DLGAP2: variants seen among roughly 807,000 people sequenced by gnomAD.
DLGAP2 encodes the protein DLG associated protein 2, also known as disks large-associated protein 2.
A neutral mutation model predicts 100.3 loss-of-function variants in DLGAP2; 26 were observed. The ratio of observed to expected loss-of-function variants is 0.26; its 90% CI spans 0.19 to 0.36. DLGAP2 has a LOEUF of 0.36. DLGAP2 is among the 10% of genes least tolerant of loss of function. The probability of loss-of-function intolerance (pLI) is 1.00; values close to 1 mark genes in which losing one functional copy is unlikely to be tolerated. For synonymous variants in DLGAP2, 886 were observed against 630.1 expected (o/e 1.41, Z -6.08); for missense variants, 1,858 against 1,453.2 (o/e 1.28, Z -4.53).
intron 2 of DLGAP2, among the ~76,000 whole-genome samples, chr8:1,015,376 G>A (rs1235296517): frequency 0.018 from 4 of 222 alleles, no homozygotes; most frequent in African/African-American, 0.033. Context: ...CACTGTGTGT[G>A]TGACCAGGAC....
chr8:1,421,934 C>G (rs1000762572), intron 3 of DLGAP2, among the ~76,000 whole-genome samples: 78 of 152,186 alleles, frequency 5.1e-4, no homozygotes, highest in African/African-American at 1.8e-3. Context: ...CCATTGCACT[C>G]TAGCCTGGGC....
At chr8:1,240,218 GTGT>G (rs1798755931) in intron 2 of DLGAP2, among the ~76,000 whole-genome samples, 1 of 133,994 alleles carries the variant, frequency 7.5e-6, no homozygotes, top group Admixed American at 7.4e-5. Flanking sequence ...ACATGGCACT[GTGT>G]CTAGTTCTCT....
intron 1 of DLGAP2, among the ~76,000 whole-genome samples, chr8:833,873 C>G (rs1796825164): frequency 6.6e-6 from 1 of 152,094 alleles, no homozygotes; most frequent in South Asian, 2.1e-4. Context: ...CAGAACATGA[C>G]AGGTTGGATT....
chr8:1,520,004 G>GTCC, intron 4 of DLGAP2, among the ~76,000 whole-genome samples: 1 of 152,218 alleles, frequency 6.6e-6, no homozygotes, highest in Non-Finnish European at 1.5e-5. Context: ...CTTCGCAGGA[G>GTCC]CAGGAGGTGT....
rs182777554 is a variant in DLGAP2 at position 1,181,402 on chromosome 8, C to T, written c.74-77449C>T. On this transcript the variant is annotated intron_variant, in intron 2 of 14. Transcript: ENST00000637795. The stretch of plus-strand genomic sequence containing the variant: ...TGTGTTAGATTGCTAAGGATAATGG[C>T]CTCCAGCTCCATCCATGTTCCTGCA... Among the ~76,000 whole-genome samples, 319 of 152,206 alleles carry T rather than the reference C, an allele frequency of 2.1e-3. 2 individuals are homozygous for T. Among genetic ancestry groups the T allele is most frequent in the African/African-American group, 7.2e-3 (298 of 41,522 alleles).
In DLGAP2 at chr8:1,701,620, T is replaced by C. The variant is rs1463601224; in HGVS notation, c.*214T>C. 1.7e-6 allele frequency: 1 copy of C among 596,464 alleles called. No individual in the cohort carries two copies. The highest frequency in any genetic ancestry group is 2.9e-6 in the Non-Finnish European group (1 of 346,354). 36.9% of individuals were successfully genotyped at this position (596,464 alleles called of 1,614,324 possible). A position where few individuals can be genotyped will look rare whatever the true frequency, so the allele number is the denominator to read the frequency against. Reference sequence around the variant, plus strand: ...CTTCTGCTTTTGTTGTTGTTGTTGTTGTTCACGGGTGGCCTGGCTCACACT... The same window carrying C: ...CTTCTGCTTTTGTTGTTGTTGTTGTCGTTCACGGGTGGCCTGGCTCACACT... On this transcript the variant is annotated 3_prime_UTR_variant, in exon 15 of 15. Coordinates refer to ENST00000637795, the MANE Select transcript of DLGAP2 (RefSeq NM_001346810.2).
intron 3 of DLGAP2, chr8:1,379,625 G>T: frequency 6.6e-6 from 1 of 152,262 alleles, no homozygotes; most frequent in East Asian, 1.9e-4. Context: ...GTCACATAGA[G>T]TTGGGAAAAC....
intron 2 of DLGAP2, among the ~76,000 whole-genome samples, chr8:1,066,865 T>G (rs113589182): frequency 9.9e-5 from 15 of 152,220 alleles, no homozygotes; most frequent in African/African-American, 3.6e-4. Flanking sequence ...CAGTATAGTC[T>G]CAGTCCCAAT....
At chr8:1,616,408 A>C (rs1437282428) in intron 6 of DLGAP2, among the ~76,000 whole-genome samples, 1 of 152,194 alleles carries the variant, frequency 6.6e-6, no homozygotes, top group East Asian at 1.9e-4. Context: ...AGTGAACTCT[A>C]AGAAGATAAA....
intron 1 of DLGAP2, among the ~76,000 whole-genome samples, chr8:745,763 A>T (rs1241070117): frequency 2.0e-5 from 3 of 152,226 alleles, no homozygotes; most frequent in Non-Finnish European, 4.4e-5. Flanking sequence ...TAAGTACCTA[A>T]TTCTATAAGA....
At chr8:1,480,854 G>A (rs1439882114) in intron 3 of DLGAP2, among the ~76,000 whole-genome samples, 1 of 148,604 alleles carries the variant, frequency 6.7e-6, no homozygotes, top group Non-Finnish European at 1.5e-5. Flanking sequence ...AAACAAGAAC[G>A]AAACTCCATA....
chr8:1,319,054 T>A, intron 3 of DLGAP2, among the ~76,000 whole-genome samples: 1 of 150,294 alleles, frequency 6.7e-6, no homozygotes, highest in African/African-American at 2.5e-5. Context: ...GGCTCCCTGT[T>A]GCTCGTTGAA....
At chr8:1,660,916 C>T (rs1258136578) in intron 8 of DLGAP2, among the ~76,000 whole-genome samples, 10 of 152,172 alleles carry the variant, frequency 6.6e-5, no homozygotes, top group Admixed American at 3.3e-4. Context: ...CCGAAGAATA[C>T]ACGGCACCGT....
intron 3 of DLGAP2, among the ~76,000 whole-genome samples, chr8:1,410,711 C>T (rs1796704392): frequency 6.6e-6 from 1 of 152,194 alleles, no homozygotes; most frequent in South Asian, 2.1e-4. Flanking sequence ...CTGCGTCAAA[C>T]CCCACGTCCA....
chr8:1,267,866 ACC>A (rs1210707887), intron 3 of DLGAP2, among the ~76,000 whole-genome samples: 1 of 152,052 alleles, frequency 6.6e-6, no homozygotes, highest in Non-Finnish European at 1.5e-5. Flanking sequence ...CCTCCATCAC[ACC>A]CACCCTAGTC....
At chr8:1,586,131 G>A (rs2130655143) in intron 6 of DLGAP2, among the ~76,000 whole-genome samples, 1 of 152,384 alleles carries the variant, frequency 6.6e-6, no homozygotes, top group South Asian at 2.1e-4. Flanking sequence ...AGCCAACACG[G>A]GTTTCTCTGG....
intron 2 of DLGAP2, among the ~76,000 whole-genome samples, chr8:1,059,224 A>G (rs1160811018): frequency 1.3e-5 from 2 of 151,974 alleles, no homozygotes; most frequent in Non-Finnish European, 2.9e-5. Flanking sequence ...CTCCATCACC[A>G]GCTGGGCCTC....
At chr8:1,308,649 C>T (rs1396729339) in intron 3 of DLGAP2, among the ~76,000 whole-genome samples, 3 of 152,176 alleles carry the variant, frequency 2.0e-5, no homozygotes, top group Non-Finnish European at 4.4e-5. Flanking sequence ...CCTCAGCCTC[C>T]TGACTAGTTG....
intron 3 of DLGAP2, among the ~76,000 whole-genome samples, chr8:1,267,992 C>G (rs1210284897): frequency 6.6e-6 from 1 of 152,142 alleles, no homozygotes; most frequent in Non-Finnish European, 1.5e-5. Flanking sequence ...GAAGCCACAG[C>G]TATTCAATAT....
Sources: allele counts gnomAD v4.1 joint callset (sites outside exome capture counted in the v4.1 genomes callset), GRCh38; gene constraint gnomAD v4.1.1; transcripts MANE v1.5; gene names NCBI Gene and HGNC (gene_info 2026-07-23, HGNC 2026-07-21).